Variants in CRLF3 observed in about 807,000 individuals in gnomAD.
CRLF3 encodes the protein cytokine receptor like factor 3, also known as cytokine receptor-like factor 3.
Under a neutral mutation model 55.0 loss-of-function variants are expected in CRLF3, and 33 were observed. The observed-to-expected ratio is 0.60, with a 90% CI of 0.46 to 0.80. The LOEUF is 0.80. Among genes scored for constraint, CRLF3 ranks in the 30% least tolerant of loss-of-function variants. The pLI, the probability that CRLF3 is intolerant of heterozygous loss-of-function variation, is 0.00. For missense variants in CRLF3, 494 were observed against 538.4 expected (o/e 0.92, Z 0.82); for synonymous variants, 238 against 196.8 (o/e 1.21, Z -1.75).
At chr17:30,797,141 T>G (rs1971930594) in intron 3 of CRLF3, among the ~76,000 whole-genome samples, 170 bp downstream of exon 3, 1 of 152,176 alleles carries the variant, frequency 6.6e-6, no homozygotes, top group Non-Finnish European at 1.5e-5. Flanking sequence ...TCCACCCGCC[T>G]TGGCCTCCCA....
chr17:30,814,141 C>T lies in CRLF3; in HGVS notation c.130-10033G>A, dbSNP rs148745204. 9.6e-3 allele frequency among the ~76,000 whole-genome samples: 1,456 copies of T among 152,118 alleles called. 15 individuals are homozygous for T. Among genetic ancestry groups the T allele is most frequent in the African/African-American group, 0.033 (1,384 of 41,504 alleles). The stretch of plus-strand genomic sequence containing the variant: ...CCTTGGTGGCGCATGCCTGTAATCC[C>T]AGATACTCGGGAGGATGAGACAGAA... On this transcript the variant is annotated intron_variant, in intron 1 of 7. Transcript: ENST00000324238.
At chr17:30,809,595 A>G (rs1016328457) in intron 1 of CRLF3, 1 of 152,214 alleles carries the variant, frequency 6.6e-6, no homozygotes. Context: ...GCAGTGCCAG[A>G]AACAGTCTAA....
chr17:30,798,844 T>G (rs1196214927), intron 2 of CRLF3, among the ~76,000 whole-genome samples: 2 of 151,594 alleles, frequency 1.3e-5, no homozygotes, highest in African/African-American at 4.8e-5. Context: ...GTCTCAAAAA[T>G]AAGTAAATAA....
At chr17:30,814,390 A>AT (rs1904718424) in intron 1 of CRLF3, among the ~76,000 whole-genome samples, 1 of 152,196 alleles carries the variant, frequency 6.6e-6, no homozygotes, top group Admixed American at 6.5e-5. Flanking sequence ...GCAGTGTCTC[A>AT]TGCCTGTAAT....
At position 30,788,599 on chromosome 17, in the gene CRLF3, C is replaced by CTTTTTTTTTTTTTTTTTTT. The variant is rs1159336036; in HGVS notation, c.960-2587_960-2569dup. On this transcript the variant is annotated intron_variant, in intron 6 of 7. Transcript: ENST00000324238. ...GGGATAAATAACAAAGTAGTGCCTT[C>CTTTTTTTTTTTTTTTTTTT]TTTTTTTTTTTTTTTTTTTTTTTTT... 5.0e-5 allele frequency among the ~76,000 whole-genome samples: 4 copies of CTTTTTTTTTTTTTTTTTTT among 80,036 alleles called. 1 individual carries two copies. Among genetic ancestry groups the CTTTTTTTTTTTTTTTTTTT allele is most frequent in the African/African-American group, 2.3e-4 (4 of 17,218 alleles). 52.5% of individuals were successfully genotyped at this position (80,036 alleles called of 152,430 possible). A position where few individuals can be genotyped will look rare whatever the true frequency, so the allele number is the denominator to read the frequency against.
chr17:30,795,448 A>G (rs1351826767), intron 4 of CRLF3, among the ~76,000 whole-genome samples: 2 of 150,694 alleles, frequency 1.3e-5, no homozygotes, highest in Non-Finnish European at 2.9e-5. Context: ...GTGAGCCAAG[A>G]TCGTGCCATT....
Position 30,797,349 on chromosome 17 carries a change from C to T in CRLF3, c.387G>A (p.Trp129Ter). The T allele has an allele frequency of 1.2e-6, 2 of 1,614,022 alleles. No individual in the cohort carries two copies. Among genetic ancestry groups the T allele is most frequent in the Non-Finnish European group, 1.7e-6 (2 of 1,179,928 alleles). ...GGVGEENEKL[W>*]SFTKKASHIQ... ...TGTGCGAGGCCTTTTTGGTAAAGCT[C>T]CACAGTTTCTCATTCTCTTCTCCCA... The change falls in exon 3 of 8, where the codon TGG becomes TGA. Residue 129 changes from tryptophan (W) to a stop codon, truncating the protein, a stop_gained. Coordinates refer to ENST00000324238, the MANE Select transcript of CRLF3 (RefSeq NM_015986.4). LOFTEE classifies it high-confidence loss of function.
chr17:30,797,989 A>G (rs1971949524), intron 2 of CRLF3, among the ~76,000 whole-genome samples: 1 of 110,968 alleles, frequency 9.0e-6, no homozygotes, highest in African/African-American at 3.4e-5. Context: ...TATGTTGCCC[A>G]GGCTGGGCAT....
At chr17:30,785,799 AAAAG>A (rs1050717527) in intron 7 of CRLF3, 116 bp downstream of exon 7, 118 of 593,682 alleles carry the variant, frequency 2.0e-4, no homozygotes, top group African/African-American at 7.5e-4. Flanking sequence ...AAAAAAAAGA[AAAAG>A]AAAAATACCT....
chr17:30,801,345 T>G (rs1329586799), intron 2 of CRLF3: 2 of 151,926 alleles, frequency 1.3e-5, no homozygotes, highest in African/African-American at 4.8e-5. Flanking sequence ...CAGGCTGGTC[T>G]TGAACTCCTG....
rs750539288 is a variant in CRLF3, at chr17:30,796,725, CT to C, written c.426-389del. On this transcript the variant is annotated intron_variant, in intron 3 of 7. Coordinates refer to ENST00000324238, the MANE Select transcript of CRLF3 (RefSeq NM_015986.4). ...AACAGTGGTAATGGGCAGTGAAACG[CT>C]TTTTTTTTTTTTTTTCAGACAGAGT... Among the ~76,000 whole-genome samples the C allele has an allele frequency of 7.6e-3, 1,009 of 132,156 alleles. 2 individuals are homozygous for C. Among genetic ancestry groups the C allele is most frequent in the Non-Finnish European group, 0.011 (653 of 61,046 alleles). The allele number at this position is 132,156 out of a possible 152,430, so 86.7% of individuals were successfully genotyped here.
At chr17:30,793,234 C>A (rs1473413666) in intron 5 of CRLF3, among the ~76,000 whole-genome samples, 1 of 144,886 alleles carries the variant, frequency 6.9e-6, no homozygotes, top group Non-Finnish European at 1.5e-5. Flanking sequence ...TTCAATGAGG[C>A]TAAAAATCTT....
chr17:30,818,420 A>G (rs1179565540), intron 1 of CRLF3, among the ~76,000 whole-genome samples: 1 of 151,606 alleles, frequency 6.6e-6, no homozygotes, highest in Non-Finnish European at 1.5e-5. Flanking sequence ...GGGAAGTGGG[A>G]GATAAAAGGA....
chr17:30,808,480 G>A (rs879737978), intron 1 of CRLF3, among the ~76,000 whole-genome samples: 5 of 151,654 alleles, frequency 3.3e-5, no homozygotes, highest in Non-Finnish European at 7.4e-5. Context: ...TAGAGATGGG[G>A]TTTCATCATA....
Position 30,784,215 on chromosome 17 carries a change from T to A in CRLF3, c.1301A>T (p.Tyr434Phe). 1 of 1,613,986 alleles carries A rather than the reference T, an allele frequency of 6.2e-7. No individual in the cohort carries two copies. The highest frequency in any genetic ancestry group is 8.5e-7 in the Non-Finnish European group (1 of 1,179,996). The change falls in exon 8 of 8, where the codon TAT (tyrosine) becomes TTT (phenylalanine). Residue 434 changes from tyrosine to phenylalanine, a missense_variant. Physicochemically the swap from Tyr to Phe is conservative, Grantham distance 22 (BLOSUM62 3). Transcript: ENST00000324238. ...AAACACTAACACTTTCCATCCAGGA[T>A]AGAAAAATGAGCATCCAAAGTAAAG... ...GSLYFGCSFF[Y>F]PGWKVLVF
At position 30,803,933 on chromosome 17, in the gene CRLF3, C is replaced by T; in HGVS notation, c.305G>A (p.Gly102Glu). Residue 102 changes from glycine to glutamate, a missense_variant, in exon 2 of 8, where the codon GGA becomes GAA. Coordinates refer to ENST00000324238, the MANE Select transcript of CRLF3 (RefSeq NM_015986.4). Reference sequence around the variant, plus strand: ...GACTAAGTCCTCTGCAGTGTTGACTCCGTGTTCTATGAGCTTCTGGCAGTC... The same window carrying T: ...GACTAAGTCCTCTGCAGTGTTGACTTCGTGTTCTATGAGCTTCTGGCAGTC... ...LDDCQKLIEHGVNTAEDLVRE... is the reference protein window; with the variant it reads ...LDDCQKLIEHEVNTAEDLVRE... 6.2e-7 allele frequency: 1 copy of T among 1,612,210 alleles called. No homozygotes were observed. Among genetic ancestry groups the T allele is most frequent in the Non-Finnish European group, 8.5e-7 (1 of 1,179,978 alleles).
At chr17:30,793,802 TG>T (rs758292254) in intron 4 of CRLF3, 130 bp from the exon 5 acceptor site, 32 of 623,148 alleles carry the variant, frequency 5.1e-5, no homozygotes, top group Non-Finnish European at 7.9e-5. Context: ...GGGGTATTCT[TG>T]GGAAGGCCAT....
At chr17:30,823,265 G>A (rs951049419) in intron 1 of CRLF3, among the ~76,000 whole-genome samples, 2 of 151,896 alleles carry the variant, frequency 1.3e-5, no homozygotes, top group African/African-American at 2.4e-5. Flanking sequence ...AGGAGGCTGA[G>A]GCAGGAGAAT....
chr17:30,822,077 AAAAAG>A (rs1465761337), intron 1 of CRLF3, among the ~76,000 whole-genome samples: 6 of 151,584 alleles, frequency 4.0e-5, no homozygotes, highest in African/African-American at 1.5e-4. Flanking sequence ...AAAAAAAAAA[AAAAAG>A]AAAAGAAATC....
Sources: allele counts gnomAD v4.1 joint callset (sites outside exome capture counted in the v4.1 genomes callset), GRCh38; gene constraint gnomAD v4.1.1; transcripts MANE v1.5; gene names NCBI Gene and HGNC (gene_info 2026-07-23, HGNC 2026-07-21).